Variants in UGGT2 observed in about 807,000 individuals in gnomAD.
The protein encoded by UGGT2 is UDP-glucose glycoprotein glucosyltransferase 2.
A neutral mutation model predicts 192.1 loss-of-function variants in UGGT2; 180 were observed. That is an observed-to-expected ratio of 0.94 (90% confidence interval 0.83 to 1.06). The LOEUF (loss-of-function observed/expected upper bound fraction) is 1.06. Ranked by LOEUF, UGGT2 falls within the 50% of genes least tolerant of loss-of-function variation. The pLI, the probability that UGGT2 is intolerant of heterozygous loss-of-function variation, is 0.00. For synonymous variants in UGGT2, 580 were observed against 591.0 expected (o/e 0.98, Z 0.27); for missense variants, 1,849 against 1,795.7 (o/e 1.03, Z -0.54).
intron 38 of UGGT2, among the ~76,000 whole-genome samples, chr13:95,832,154 C>T (rs908191720): frequency 2.6e-5 from 4 of 151,192 alleles, no homozygotes; most frequent in African/African-American, 9.7e-5. Context: ...AAAATGAGAA[C>T]TGTATTCTGA....
chr13:95,832,412 GT>G (rs1413167909), intron 38 of UGGT2, among the ~76,000 whole-genome samples: 1 of 152,024 alleles, frequency 6.6e-6, no homozygotes, highest in South Asian at 2.1e-4. Context: ...GGTAGCCACA[GT>G]TTTTTTCATA....
rs550582463 is a variant in UGGT2 at position 96,001,892 on chromosome 13, AAT to A, written c.661-2587_661-2586del. ...GATGATCCACTTCTATTTAATGAAAAATATATTTTCTCTTCCTTATGACTTTC... is the reference window on the plus strand; with the variant it reads ...GATGATCCACTTCTATTTAATGAAAAATATTTTCTCTTCCTTATGACTTTC... On this transcript the variant is annotated intron_variant, in intron 5 of 38. Coordinates refer to ENST00000376747, the MANE Select transcript of UGGT2 (RefSeq NM_020121.4). Among the ~76,000 whole-genome samples, 20 of 152,298 alleles carry A rather than the reference AAT, an allele frequency of 1.3e-4. 1 individual carries two copies. The South Asian group carries it at 3.5e-3, about 27-fold the overall frequency.
rs139725054 is a variant in UGGT2 at position 96,032,771 on chromosome 13, A to G, written c.159-800T>C. On this transcript the variant is annotated intron_variant, in intron 1 of 38. Coordinates refer to ENST00000376747, the MANE Select transcript of UGGT2 (RefSeq NM_020121.4). ...AAACTAATGCTTAAAATAAATGGAA[A>G]GTATTGAGAACATCCACAACACATA... Among the ~76,000 whole-genome samples, 433 of 152,336 alleles carry G rather than the reference A, an allele frequency of 2.8e-3. 3 individuals carry two copies. The highest frequency in any genetic ancestry group is 0.01 in the African/African-American group (418 of 41,576).
intron 38 of UGGT2, among the ~76,000 whole-genome samples, chr13:95,830,201 A>T (rs1430436850): frequency 1.3e-5 from 2 of 152,240 alleles, no homozygotes; most frequent in African/African-American, 4.8e-5. Context: ...AGGCAATACC[A>T]TTGAGGACAC....
intron 30 of UGGT2, among the ~76,000 whole-genome samples, chr13:95,865,001 T>C (rs1890517155): frequency 6.6e-6 from 1 of 152,248 alleles, no homozygotes; most frequent in South Asian, 2.1e-4. Flanking sequence ...TTTTGCTGTC[T>C]TTTAACATCT....
intron 38 of UGGT2, among the ~76,000 whole-genome samples, chr13:95,820,976 T>G (rs1427754542): frequency 6.6e-6 from 1 of 152,150 alleles, no homozygotes; most frequent in Admixed American, 6.6e-5. Context: ...ATATATACCA[T>G]GTTTTCTTTA....
chr13:95,858,850 G>T (rs1436433343), intron 33 of UGGT2, among the ~76,000 whole-genome samples: 2 of 152,138 alleles, frequency 1.3e-5, no homozygotes, highest in Admixed American at 1.3e-4. Context: ...AATAACGTCA[G>T]TTAAACACTT....
intron 19 of UGGT2, 61 bp from the exon 20 acceptor site, chr13:95,925,835 G>A: frequency 1.7e-6 from 2 of 1,173,072 alleles, no homozygotes; most frequent in Non-Finnish European, 2.4e-6. Flanking sequence ...AACAAAAGCA[G>A]GGGAACATGT....
intron 5 of UGGT2, among the ~76,000 whole-genome samples, chr13:96,005,293 T>C (rs2051937672): frequency 1.3e-5 from 2 of 152,184 alleles, no homozygotes; most frequent in African/African-American, 2.4e-5. Context: ...CTGGTAAAGA[T>C]ATTTAGCTAG....
rs1190401752 is a variant in UGGT2, at chr13:95,812,332, C to G, written c.4529-10520G>C. Among the ~76,000 whole-genome samples the G allele has an allele frequency of 3.3e-5, 5 of 152,188 alleles. No individual in the cohort carries two copies. In the East Asian group the frequency reaches 9.6e-4, roughly 29 times the overall value. On this transcript the variant is annotated intron_variant, in intron 38 of 38. Coordinates refer to ENST00000376747, the MANE Select transcript of UGGT2 (RefSeq NM_020121.4). The stretch of plus-strand genomic sequence containing the variant: ...AAAAGCAGATTTACCCACAGAACAC[C>G]CTTGTATAAATTGGCCCACCCTTGT...
At position 95,949,433 on chromosome 13, in the gene UGGT2, C is replaced by A; in HGVS notation, c.1357G>T (p.Asp453Tyr). The A allele has an allele frequency of 6.5e-7, 1 of 1,542,270 alleles. No homozygotes were observed. The change falls in exon 13 of 39, where the codon GAT (aspartate) becomes TAT (tyrosine). Residue 453 changes from aspartate (D) to tyrosine (Y), a missense_variant. Physicochemically the swap from Asp to Tyr is radical, Grantham distance 160. Coordinates refer to ENST00000376747, the MANE Select transcript of UGGT2 (RefSeq NM_020121.4). ...GTAGGCCATGTAATATACAAATCAT[C>A]ATTTTCTAAGTCATTAATCCACTAG... is the stretch of plus-strand genomic sequence containing the variant. ...SIMWINDLENDDLYITWPTSC... is the reference protein window; with the variant it reads ...SIMWINDLENYDLYITWPTSC...
At position 95,903,069 on chromosome 13, in the gene UGGT2, A is replaced by G. The variant is rs376696135; in HGVS notation, c.2296-9T>C. 35 of 1,601,862 alleles carry G rather than the reference A, an allele frequency of 2.2e-5. No individual in the cohort carries two copies. The African/African-American group carries it at 4.2e-4, about 19-fold the overall frequency. ...CTATGAACACTTGTTTTCTGCAAAC[A>G]TATTTATAGATTAAAAAGACCAGTA... is the stretch of plus-strand genomic sequence containing the variant. On this transcript the variant is annotated splice_polypyrimidine_tract_variant and intron_variant, in intron 20 of 38. Coordinates refer to ENST00000376747, the MANE Select transcript of UGGT2 (RefSeq NM_020121.4).
chr13:95,863,503 A>T (rs1890353374), intron 31 of UGGT2, 126 bp downstream of exon 31: 1 of 689,878 alleles, frequency 1.4e-6, no homozygotes. Flanking sequence ...ACATTTATGT[A>T]TTTATCTTAT....
chr13:95,959,405 G>A (rs75343842), intron 12 of UGGT2, among the ~76,000 whole-genome samples: 2,882 of 152,190 alleles, frequency 0.019, 34 homozygotes, highest in Non-Finnish European at 0.03. Context: ...ACCTATGGCC[G>A]GTGGATCATC....
At chr13:95,940,980 C>G (rs1442097236) in intron 15 of UGGT2, among the ~76,000 whole-genome samples, 1 of 152,132 alleles carries the variant, frequency 6.6e-6, no homozygotes, top group Non-Finnish European at 1.5e-5. Flanking sequence ...AGAATGTAAG[C>G]TGTTATTCTT....
At chr13:95,852,667 A>C (rs1889169821) in intron 36 of UGGT2, among the ~76,000 whole-genome samples, 1 of 152,246 alleles carries the variant, frequency 6.6e-6, no homozygotes, top group Non-Finnish European at 1.5e-5. Flanking sequence ...AAGAAAAAAG[A>C]GTCTTTTGCT....
chr13:95,983,965 C>T, intron 9 of UGGT2, 101 bp from the exon 10 acceptor site: 1 of 710,512 alleles, frequency 1.4e-6, no homozygotes, highest in South Asian at 3.6e-5. Flanking sequence ...AAGCTAAAAA[C>T]TCCAAATCCT....
chr13:95,856,615 G>A (rs1889642886), intron 33 of UGGT2: 1 of 436,584 alleles, frequency 2.3e-6, no homozygotes, highest in Admixed American at 4.0e-5. Context: ...GAAGATAAAT[G>A]TTCCCATACT....
intron 38 of UGGT2, among the ~76,000 whole-genome samples, chr13:95,832,028 T>G (rs1262603637): frequency 1.3e-5 from 2 of 151,832 alleles, no homozygotes; most frequent in Non-Finnish European, 2.9e-5. Context: ...AAGAAAACTT[T>G]TTTTTTTTAA....
Sources: allele counts gnomAD v4.1 joint callset (sites outside exome capture counted in the v4.1 genomes callset), GRCh38; gene constraint gnomAD v4.1.1; transcripts MANE v1.5; gene names NCBI Gene and HGNC (gene_info 2026-07-23, HGNC 2026-07-21).